DPYD: variants seen among roughly 807,000 people sequenced by gnomAD.
DPYD encodes dihydropyrimidine dehydrogenase.
Under a neutral mutation model 116.2 loss-of-function variants are expected in DPYD, and 109 were observed. The observed-to-expected ratio is 0.94, with a 90% CI of 0.80 to 1.10. The LOEUF is 1.10. DPYD is among the 50% of genes least tolerant of loss of function. DPYD has a pLI of 0.00. For missense variants in DPYD, 1,302 were observed against 1,254.5 expected (o/e 1.04, Z -0.57); for synonymous variants, 440 against 432.0 (o/e 1.02, Z -0.23).
chr1:97,225,850 C>T (rs1661118608), intron 19 of DPYD, among the ~76,000 whole-genome samples: 1 of 151,914 alleles, frequency 6.6e-6, no homozygotes, highest in African/African-American at 2.4e-5. Context: ...GATTTCAGGT[C>T]TTATGTTTAA....
At chr1:97,345,247 T>C (rs553878435) in intron 16 of DPYD, among the ~76,000 whole-genome samples, 3 of 151,952 alleles carry the variant, frequency 2.0e-5, no homozygotes, top group Non-Finnish European at 4.4e-5. Flanking sequence ...TTTTAAAAAA[T>C]ACATATGGAC....
chr1:97,563,468 A>G (rs199790077), intron 11 of DPYD, among the ~76,000 whole-genome samples: 19 of 152,064 alleles, frequency 1.2e-4, no homozygotes, highest in East Asian at 9.7e-4. Flanking sequence ...ATTTTTTCCC[A>G]TTTTCTACCT....
intron 8 of DPYD, among the ~76,000 whole-genome samples, chr1:97,669,377 A>T (rs1188520454): frequency 6.6e-6 from 1 of 152,150 alleles, no homozygotes; most frequent in African/African-American, 2.4e-5. Flanking sequence ...ATAACTTATA[A>T]CAGTACTAAG....
intron 18 of DPYD, among the ~76,000 whole-genome samples, chr1:97,289,009 C>T (rs140739726): frequency 0.076 from 11,613 of 152,094 alleles, 995 homozygotes; most frequent in African/African-American, 0.21. Context: ...GGGGACATCA[C>T]CACTGATACT....
Position 97,557,308 on chromosome 1 carries a change from C to CTTTTTT in DPYD, c.1340-7570_1340-7565dup, listed in dbSNP as rs796245332. On this transcript the variant is annotated intron_variant, in intron 11 of 22. Coordinates refer to ENST00000370192, the MANE Select transcript of DPYD (RefSeq NM_000110.4). ...AAATTTTCTATTCCCTTTTTCTTTTCTTTTTTTTTTTTTTTTTTTTGAGGA... is the reference window on the plus strand; with the variant it reads ...AAATTTTCTATTCCCTTTTTCTTTTCTTTTTTTTTTTTTTTTTTTTTTTTTTGAGGA... 7.1e-3 allele frequency among the ~76,000 whole-genome samples: 761 copies of CTTTTTT among 107,128 alleles called. 2 individuals are homozygous for CTTTTTT. The highest frequency in any genetic ancestry group is 8.9e-3 in the African/African-American group (235 of 26,552). 70.3% of individuals were successfully genotyped at this position (107,128 alleles called of 152,430 possible). A position where few individuals can be genotyped will look rare whatever the true frequency, so the allele number is the denominator to read the frequency against.
rs766411970 is a variant in DPYD at position 97,306,239 on chromosome 1, A to C, written c.2117T>G (p.Phe706Cys). ...RWVRQAVQIP[F>C]FAKLTPNVTD... ...GACATTTGGGGTCAGCTTGGCAAAA[A>C]AAGGAATCTGAACAGCTTGCCTAAC... is the stretch of plus-strand genomic sequence containing the variant. The change falls in exon 17 of 23, where the codon TTT becomes TGT. Residue 706 changes from phenylalanine (F) to cysteine (C), a missense_variant. Physicochemically the swap from Phe to Cys is radical, Grantham distance 205 (BLOSUM62 -2). Transcript: ENST00000370192. The C allele has an allele frequency of 5.1e-5, 83 of 1,612,488 alleles. No individual in the cohort carries two copies. Among genetic ancestry groups the C allele is most frequent in the Non-Finnish European group, 2.5e-6 (3 of 1,178,970 alleles).
At chr1:97,368,694 A>T (rs1457870278) in intron 16 of DPYD, among the ~76,000 whole-genome samples, 1 of 152,222 alleles carries the variant, frequency 6.6e-6, no homozygotes, top group Non-Finnish European at 1.5e-5. Context: ...GAGGTTCAGT[A>T]GAACTCCTGG....
intron 14 of DPYD, among the ~76,000 whole-genome samples, chr1:97,440,060 G>C (rs1675685873): frequency 6.6e-6 from 1 of 152,110 alleles, no homozygotes; most frequent in African/African-American, 2.4e-5. Flanking sequence ...GGGATCACCT[G>C]AGGTCGGGAG....
At chr1:97,761,448 A>G (rs1290792522) in intron 3 of DPYD, among the ~76,000 whole-genome samples, 1 of 152,142 alleles carries the variant, frequency 6.6e-6, no homozygotes, top group Non-Finnish European at 1.5e-5. Context: ...AATGGAGGGT[A>G]CTAAAATAAG....
intron 3 of DPYD, among the ~76,000 whole-genome samples, chr1:97,785,511 C>T (rs1414193288): frequency 1.3e-5 from 2 of 152,024 alleles, no homozygotes; most frequent in African/African-American, 4.8e-5. Context: ...GGCAATGACA[C>T]TCATCCATCA....
chr1:97,590,657 G>T (rs1414090040), intron 10 of DPYD, among the ~76,000 whole-genome samples: 1 of 152,108 alleles, frequency 6.6e-6, no homozygotes, highest in Non-Finnish European at 1.5e-5. Context: ...TCTACTGCAG[G>T]CAGGTTACCT....
intron 8 of DPYD, among the ~76,000 whole-genome samples, chr1:97,663,145 C>T (rs573905467): frequency 6.6e-6 from 1 of 152,150 alleles, no homozygotes; most frequent in Admixed American, 6.5e-5. Flanking sequence ...GCCAAGGATA[C>T]CAAATCTACC....
chr1:97,627,126 TCACTTCCCAAAGAC>T (rs1208298251), intron 8 of DPYD, among the ~76,000 whole-genome samples: 1 of 151,942 alleles, frequency 6.6e-6, no homozygotes, highest in South Asian at 2.1e-4. Context: ...CAGGTCCTCA[TCACTTCCCAAAGAC>T]CCCACCTCCT....
chr1:97,660,593 C>T (rs1571146145), intron 8 of DPYD, among the ~76,000 whole-genome samples: 2 of 152,164 alleles, frequency 1.3e-5, no homozygotes, highest in African/African-American at 4.8e-5. Flanking sequence ...TCTGTGTGTT[C>T]CTGGAGAGGA....
Position 97,193,066 on chromosome 1 carries a change from T to C in DPYD, c.2622+3A>G, listed in dbSNP as rs1462098453. 1 of 1,613,722 alleles carries C rather than the reference T, an allele frequency of 6.2e-7. No individual in the cohort carries two copies. Among genetic ancestry groups the C allele is most frequent in the Non-Finnish European group, 8.5e-7 (1 of 1,179,796 alleles). Reference sequence around the variant, plus strand: ...GAATAACACAGGAGATTTAAGCACATACCTTGTCCATGAGTTCAGCTATAC... The same window carrying C: ...GAATAACACAGGAGATTTAAGCACACACCTTGTCCATGAGTTCAGCTATAC... On this transcript the variant is annotated splice_donor_region_variant and intron_variant, in intron 20 of 22. Transcript: ENST00000370192.
chr1:97,114,052 T>C lies in DPYD; in HGVS notation c.2623-15420A>G, dbSNP rs374680796. Among the ~76,000 whole-genome samples the C allele has an allele frequency of 8.5e-4, 130 of 152,258 alleles. 4 individuals are homozygous for C. The South Asian group carries it at 0.027, about 31-fold the overall frequency. On this transcript the variant is annotated intron_variant, in intron 20 of 22. Transcript: ENST00000370192. ...ATGCTACATGGAAATTACATCATCA[T>C]TCCTAAAACCCTATTTATGAATGAA...
chr1:97,889,389 A>C (rs1672662335), intron 1 of DPYD, among the ~76,000 whole-genome samples: 1 of 152,108 alleles, frequency 6.6e-6, no homozygotes, highest in African/African-American at 2.4e-5. Context: ...CTTTAAATTC[A>C]ATGACACAAA....
At chr1:97,122,035 T>C (rs1236268149) in intron 20 of DPYD, among the ~76,000 whole-genome samples, 2 of 152,118 alleles carry the variant, frequency 1.3e-5, no homozygotes, top group Non-Finnish European at 2.9e-5. Context: ...TTCTTGAATC[T>C]TGAAGGATGG....
chr1:97,836,268 T>C (rs1220259433), intron 2 of DPYD, among the ~76,000 whole-genome samples: 1 of 152,176 alleles, frequency 6.6e-6, no homozygotes, highest in African/African-American at 2.4e-5. Flanking sequence ...TCTATGTTTA[T>C]AGGACTATCA....
Sources: allele counts gnomAD v4.1 joint callset (sites outside exome capture counted in the v4.1 genomes callset), GRCh38; gene constraint gnomAD v4.1.1; transcripts MANE v1.5; gene names NCBI Gene and HGNC (gene_info 2026-07-23, HGNC 2026-07-21).